The following BCL2L13 variants were observed in gnomAD, a reference collection of about 807,000 sequenced individuals.
BCL2L13 encodes the protein bcl-2-like protein 13.
Under a neutral mutation model 25.8 loss-of-function variants are expected in BCL2L13, and 13 were observed. The ratio of observed to expected loss-of-function variants is 0.50; its 90% CI spans 0.33 to 0.80. The LOEUF is 0.80. Ranked by LOEUF, BCL2L13 falls within the 30% of genes least tolerant of loss-of-function variation. The pLI is 0.02. For missense variants in BCL2L13, 504 were observed against 574.9 expected, an observed-to-expected ratio of 0.88 and a Z score of 1.26; for synonymous variants, 244 against 230.3, an observed-to-expected ratio of 1.06 and a Z score of -0.54.
chr22:17,670,193 G>A (rs973012341), intron 2 of BCL2L13, among the ~76,000 whole-genome samples: 11 of 152,108 alleles, frequency 7.2e-5, no homozygotes, highest in African/African-American at 2.7e-4. Flanking sequence ...ATTATGAAGT[G>A]TGAGCCCTTC....
At chr22:17,639,702 TA>T (rs1406689113) in intron 1 of BCL2L13, among the ~76,000 whole-genome samples, 1 of 152,202 alleles carries the variant, frequency 6.6e-6, no homozygotes, top group African/African-American at 2.4e-5. Flanking sequence ...TCCTTACTTT[TA>T]TTTTTTTGTT....
chr22:17,683,132 CAAA>C (rs34013263), intron 2 of BCL2L13, 79 bp from the exon 3 acceptor site: 1,341 of 599,282 alleles, frequency 2.2e-3, no homozygotes, highest in East Asian at 4.0e-3. Context: ...GACTCCGTCT[CAAA>C]AAAAAAAAAA....
At chr22:17,702,210 G>T (rs765492826) in intron 5 of BCL2L13, 33 bp from the exon 6 acceptor site, 5 of 1,531,202 alleles carry the variant, frequency 3.3e-6, no homozygotes, top group Non-Finnish European at 4.4e-6. Context: ...GAATTTCAGT[G>T]TGGTTTTTTA....
chr22:17,715,159 TATATATATATA>T (rs1246181240), intron 6 of BCL2L13, among the ~76,000 whole-genome samples: 60 of 5,456 alleles, frequency 0.011, 3 homozygotes, highest in Non-Finnish European at 0.012. Context: ...TATATATATA[TATATATATATA>T]TTTTTTTTTT....
chr22:17,643,166 T>G (rs1737841734), intron 1 of BCL2L13, among the ~76,000 whole-genome samples: 1 of 152,192 alleles, frequency 6.6e-6, no homozygotes, highest in African/African-American at 2.4e-5. Flanking sequence ...TTAGGCCTGT[T>G]TTAATTGGAA....
At chr22:17,693,365 A>G (rs1031813734) in intron 4 of BCL2L13, among the ~76,000 whole-genome samples, 36 of 81,602 alleles carry the variant, frequency 4.4e-4, no homozygotes, top group African/African-American at 8.7e-4. Flanking sequence ...TTATTTATTT[A>G]GTGTTTGTTT....
chr22:17,642,071 T>TTACAGGTGTGTGCCACCGCGCC (rs1269790764), intron 1 of BCL2L13, among the ~76,000 whole-genome samples: 7 of 151,390 alleles, frequency 4.6e-5, no homozygotes, highest in Non-Finnish European at 1.0e-4. Context: ...AGTGCTGGGA[T>TTACAGGTGTGTGCCACCGCGCC]TACAGGTGTG....
At position 17,654,589 on chromosome 22, in the gene BCL2L13, A is replaced by T. The variant is rs1281295123; in HGVS notation, c.-50-1073A>T. Among the ~76,000 whole-genome samples, 3 of 150,718 alleles carry T rather than the reference A, an allele frequency of 2.0e-5. No individual in the cohort carries two copies. The East Asian group carries it at 5.9e-4, about 30-fold the overall frequency. ...AGGTGCCCGCCATCACGCCCGGCTA[A>T]TTTTTTTTGTATTTTTAGTAGAGAC... On this transcript the variant is annotated intron_variant, in intron 1 of 6. Coordinates refer to ENST00000317582, the MANE Select transcript of BCL2L13 (RefSeq NM_015367.4).
intron 1 of BCL2L13, among the ~76,000 whole-genome samples, chr22:17,651,604 A>G (rs1356020000): frequency 6.7e-6 from 1 of 148,968 alleles, no homozygotes; most frequent in Non-Finnish European, 1.5e-5. Context: ...CTGGTCTCGA[A>G]CTCCTGACCT....
rs67358246 is a variant in BCL2L13 at position 17,632,752 on chromosome 22, CT to C, written c.-650+3765del. ...TGTGATAATCTTTATGATTCTTCTT[CT>C]TTTTTTTTTTTTTTTTTGGAGATGG... On this transcript the variant is annotated intron_variant, in intron 1 of 6. Transcript: ENST00000399782. 6.2e-3 allele frequency among the ~76,000 whole-genome samples: 775 copies of C among 124,326 alleles called. 2 individuals carry two copies. The highest frequency in any genetic ancestry group is 0.018 in the African/African-American group (618 of 33,810). 81.6% of individuals were successfully genotyped at this position (124,326 alleles called of 152,430 possible).
chr22:17,684,204 G>A (rs2089741263), intron 3 of BCL2L13, among the ~76,000 whole-genome samples: 3 of 152,064 alleles, frequency 2.0e-5, no homozygotes, highest in South Asian at 4.1e-4. Context: ...AGGGACTCAT[G>A]CCTGTAATTC....
At position 17,660,034 on chromosome 22, in the gene BCL2L13, T is replaced by G. The variant is rs2059016405; in HGVS notation, c.121+4202T>G. On this transcript the variant is annotated intron_variant, in intron 2 of 6. Transcript: ENST00000317582. ...CTGCGCCGAGCTCATTTTTATACTT[T>G]TAGTGGAGATGGGTTTTCACCATGT... Among the ~76,000 whole-genome samples the G allele has an allele frequency of 2.1e-5, 3 of 146,032 alleles. 1 individual carries two copies. The highest frequency in any genetic ancestry group is 4.7e-5 in the Non-Finnish European group (3 of 64,272).
Position 17,653,987 on chromosome 22 carries a change from G to T in BCL2L13, c.-50-1675G>T, listed in dbSNP as rs1230438658. 2.6e-5 allele frequency among the ~76,000 whole-genome samples: 4 copies of T among 152,140 alleles called. 1 individual carries two copies. The highest frequency in any genetic ancestry group is 6.8e-3 in the Middle Eastern group (2 of 294). On this transcript the variant is annotated intron_variant, in intron 1 of 6. Transcript: ENST00000317582. Reference sequence around the variant, plus strand: ...TTTTTGGTTTCCTATGAAAACTCCTGAGGTCTGGTGATTTATCATGTTTGT... The same window carrying T: ...TTTTTGGTTTCCTATGAAAACTCCTTAGGTCTGGTGATTTATCATGTTTGT...
chr22:17,705,497 C>T (rs370275722), intron 6 of BCL2L13, among the ~76,000 whole-genome samples: 5 of 151,842 alleles, frequency 3.3e-5, no homozygotes, highest in Middle Eastern at 3.4e-3. Flanking sequence ...TGGGTTTTCA[C>T]TGTGTTAGCC....
Position 17,646,955 on chromosome 22 carries a change from A to ATTTTT in BCL2L13, c.-51+8089_-51+8093dup, listed in dbSNP as rs149460093. ...TACATATATATATATATATATATAT[A>ATTTTT]TTTTTTTTTTTTTTTTTTTTTTTTC... On this transcript the variant is annotated intron_variant, in intron 1 of 6. Transcript: ENST00000317582. Among the ~76,000 whole-genome samples, 141 of 22,190 alleles carry ATTTTT rather than the reference A, an allele frequency of 6.4e-3. 5 individuals are homozygous for ATTTTT. Among genetic ancestry groups the ATTTTT allele is most frequent in the South Asian group, 0.016 (3 of 190 alleles). The allele number at this position is 22,190 out of a possible 152,430, so 14.6% of individuals were successfully genotyped here.
Position 17,689,080 on chromosome 22 carries a change from A to AG in BCL2L13, c.325dup (p.Glu109GlyfsTer13). 6.2e-7 allele frequency: 1 copy of AG among 1,614,160 alleles called. No individual in the cohort carries two copies. Among genetic ancestry groups the AG allele is most frequent in the Non-Finnish European group, 8.5e-7 (1 of 1,180,024 alleles). ...TGGAAGACTGCTTGGCCCATCTTGG[A>AG]GAAAAAGTGTCCCAGGAACTGAAAG... On this transcript the variant is annotated frameshift_variant, in exon 4 of 7. Transcript: ENST00000317582. LOFTEE classifies it high-confidence loss of function.
chr22:17,656,548 G>A (rs1465282330), intron 2 of BCL2L13, among the ~76,000 whole-genome samples: 10 of 151,016 alleles, frequency 6.6e-5, no homozygotes, highest in African/African-American at 1.7e-4. Flanking sequence ...AGGTTTTGCC[G>A]TGTTGGCCAG....
chr22:17,720,599 A>G (rs1257607507), intron 6 of BCL2L13, among the ~76,000 whole-genome samples: 1 of 151,438 alleles, frequency 6.6e-6, no homozygotes, highest in African/African-American at 2.4e-5. Context: ...TCCTGACCTC[A>G]GGCGATCAGC....
chr22:17,701,915 C>CAAAAA (rs5844321), intron 5 of BCL2L13, among the ~76,000 whole-genome samples: 1 of 104,450 alleles, frequency 9.6e-6, no homozygotes, highest in African/African-American at 3.5e-5. Flanking sequence ...GACTCCATCT[C>CAAAAA]AAAAAAAAAA....
Sources: allele counts gnomAD v4.1 joint callset (sites outside exome capture counted in the v4.1 genomes callset), GRCh38; gene constraint gnomAD v4.1.1; transcripts MANE v1.5; gene names NCBI Gene and HGNC (gene_info 2026-07-23, HGNC 2026-07-21).